SH3RF2: variants seen among roughly 807,000 people sequenced by gnomAD.
SH3RF2 encodes E3 ubiquitin-protein ligase SH3RF2.
In SH3RF2, 43 loss-of-function variants were observed where a neutral mutation model predicts 59.0. That is an observed-to-expected ratio of 0.73 (90% CI 0.57 to 0.94). The LOEUF (loss-of-function observed/expected upper bound fraction) is 0.94. SH3RF2 is among the 40% of genes least tolerant of loss of function. SH3RF2 has a pLI of 0.00. For missense variants in SH3RF2, 930 were observed against 940.1 expected, an observed-to-expected ratio of 0.99 and a Z score of 0.14; for synonymous variants, 391 against 391.5, an observed-to-expected ratio of 1.00 and a Z score of 0.01.
intron 2 of SH3RF2, among the ~76,000 whole-genome samples, chr5:145,965,602 T>A (rs1758828306): frequency 6.6e-6 from 1 of 152,194 alleles, no homozygotes; most frequent in Non-Finnish European, 1.5e-5. Context: ...ATTATGAGGT[T>A]TTGAAAGTGG....
chr5:146,064,676 AAG>A (rs199883513), downstream of SH3RF2, among the ~76,000 whole-genome samples: 227 of 26,910 alleles, frequency 8.4e-3, 20 homozygotes, highest in Non-Finnish European at 1.0e-2. Flanking sequence ...GAAAGAAAGA[AAG>A]AAAGAAAGAA....
At chr5:146,016,771 A>C (rs1405385789) in intron 5 of SH3RF2, among the ~76,000 whole-genome samples, 1 of 152,178 alleles carries the variant, frequency 6.6e-6, no homozygotes, top group Non-Finnish European at 1.5e-5. Context: ...GGTTGTCTTC[A>C]CTTGGCTCCT....
At chr5:146,012,340 T>C (rs1319649559) in intron 4 of SH3RF2, among the ~76,000 whole-genome samples, 1 of 152,230 alleles carries the variant, frequency 6.6e-6, no homozygotes, top group Non-Finnish European at 1.5e-5. Context: ...TTGTTGTGTC[T>C]CTGCCAGGCT....
At chr5:146,064,807 G>GGAAA (rs1216580727), downstream of SH3RF2, among the ~76,000 whole-genome samples, 89 of 18,328 alleles carry the variant, frequency 4.9e-3, 3 homozygotes, top group African/African-American at 0.014. Context: ...AAGGAAGGAA[G>GGAAA]GAAAGAAAGA....
intron 9 of SH3RF2, among the ~76,000 whole-genome samples, chr5:146,073,295 G>A (rs1763273918): frequency 6.6e-6 from 1 of 152,222 alleles, no homozygotes; most frequent in South Asian, 2.1e-4. Flanking sequence ...TTCAGATTTA[G>A]GGCTGTGTGT....
intron 2 of SH3RF2, among the ~76,000 whole-genome samples, chr5:145,985,863 G>A (rs773982569): frequency 5.9e-5 from 9 of 152,046 alleles, no homozygotes; most frequent in Admixed American, 1.3e-4. Context: ...AATTAGCTGG[G>A]CATGGTGGAG....
intron 2 of SH3RF2, among the ~76,000 whole-genome samples, chr5:145,961,232 G>C (rs1197752852): frequency 2.7e-5 from 4 of 148,502 alleles, no homozygotes; most frequent in South Asian, 2.2e-4. Context: ...TTGTAGTGGG[G>C]GAAAGTTCTG....
At chr5:145,989,410 G>A (rs1380382104) in intron 2 of SH3RF2, among the ~76,000 whole-genome samples, 1 of 152,184 alleles carries the variant, frequency 6.6e-6, no homozygotes, top group Non-Finnish European at 1.5e-5. Flanking sequence ...ATTCCTGAAT[G>A]TTTTCAGAGC....
At chr5:145,987,223 G>A (rs1470935689) in intron 2 of SH3RF2, among the ~76,000 whole-genome samples, 1 of 152,098 alleles carries the variant, frequency 6.6e-6, no homozygotes, top group Non-Finnish European at 1.5e-5. Flanking sequence ...AAGTTATTGG[G>A]GTACAGGTGG....
chr5:146,064,697 A>AG (rs1580948919), downstream of SH3RF2, among the ~76,000 whole-genome samples: 3 of 10,796 alleles, frequency 2.8e-4, no homozygotes, highest in Non-Finnish European at 5.0e-4. Flanking sequence ...AAAGAAAGAA[A>AG]GAAAGAAAGA....
intron 2 of SH3RF2, among the ~76,000 whole-genome samples, chr5:145,964,504 GC>G (rs1758786407): frequency 6.6e-6 from 1 of 151,658 alleles, no homozygotes; most frequent in African/African-American, 2.4e-5. Context: ...ACAGGGTTTC[GC>G]CATGTTGACC....
chr5:145,946,578 T>A (rs1232887986), intron 2 of SH3RF2, among the ~76,000 whole-genome samples: 1 of 152,184 alleles, frequency 6.6e-6, no homozygotes, highest in Non-Finnish European at 1.5e-5. Context: ...TTGCTGTGAA[T>A]CACCTTATTA....
At chr5:145,979,430 C>G (rs1396553591) in intron 2 of SH3RF2, among the ~76,000 whole-genome samples, 1 of 152,172 alleles carries the variant, frequency 6.6e-6, no homozygotes, top group Non-Finnish European at 1.5e-5. Flanking sequence ...CCAAACAAGA[C>G]CTTTGGAATT....
chr5:145,971,935 T>G (rs1365943794), intron 2 of SH3RF2, among the ~76,000 whole-genome samples: 2 of 152,194 alleles, frequency 1.3e-5, no homozygotes, highest in Admixed American at 1.3e-4. Flanking sequence ...AGCATTTACC[T>G]AGTTCTAAGC....
At chr5:146,034,026 A>G (rs1272570804) in intron 5 of SH3RF2, among the ~76,000 whole-genome samples, 1 of 152,246 alleles carries the variant, frequency 6.6e-6, no homozygotes. Flanking sequence ...CTGACTGCTT[A>G]GGTATTGTTC....
At chr5:146,062,281 C>A in intron 9 of SH3RF2, 145 bp from the exon 10 acceptor site, 2 of 1,014,752 alleles carry the variant, frequency 2.0e-6, no homozygotes, top group Non-Finnish European at 2.9e-6. Flanking sequence ...TCTTGTACTT[C>A]CCCCATCTTA....
At chr5:146,048,066 A>G (rs1363662855) in intron 6 of SH3RF2, among the ~76,000 whole-genome samples, 1 of 152,184 alleles carries the variant, frequency 6.6e-6, no homozygotes, top group Non-Finnish European at 1.5e-5. Flanking sequence ...TAATCCCAGC[A>G]CTTCAGTAAG....
chr5:145,965,436 C>G (rs1452863999), intron 2 of SH3RF2, among the ~76,000 whole-genome samples: 1 of 151,940 alleles, frequency 6.6e-6, no homozygotes. Context: ...TAAATCTGTT[C>G]GGAGCCATCA....
Position 146,069,765 on chromosome 5 carries a change from G to T in SH3RF2, c.*33+7031G>T, listed in dbSNP as rs770241575. Reference sequence around the variant, plus strand: ...ATTTTTGTATTTTTTGTAGAGGTAGGGTTTTGCTATGTTACCCAGACTGGT... The same window carrying T: ...ATTTTTGTATTTTTTGTAGAGGTAGTGTTTTGCTATGTTACCCAGACTGGT... On this transcript the variant is annotated intron_variant, in intron 9 of 9. Transcript: ENST00000511217. 3.9e-5 allele frequency among the ~76,000 whole-genome samples: 6 copies of T among 151,966 alleles called. 1 individual carries two copies. The East Asian group carries it at 5.8e-4, about 15-fold the overall frequency.
Sources: allele counts gnomAD v4.1 joint callset (sites outside exome capture counted in the v4.1 genomes callset), GRCh38; gene constraint gnomAD v4.1.1; transcripts MANE v1.5; gene names NCBI Gene and HGNC (gene_info 2026-07-23, HGNC 2026-07-21).